COG5: variants seen among roughly 807,000 people sequenced by gnomAD.
COG5 encodes the protein component of oligomeric golgi complex 5, also known as conserved oligomeric Golgi complex subunit 5.
In COG5, 86 loss-of-function variants were observed where a neutral mutation model predicts 110.4. The ratio of observed to expected loss-of-function variants is 0.78; its 90% CI spans 0.65 to 0.93. The LOEUF (loss-of-function observed/expected upper bound fraction) is 0.93. Ranked by LOEUF, COG5 falls within the 40% of genes least tolerant of loss-of-function variation. The pLI is 0.00. For missense variants in COG5, 1,077 were observed against 987.0 expected (o/e 1.09, Z -1.22); for synonymous variants, 360 against 334.6 (o/e 1.08, Z -0.83).
In COG5 at chr7:107,501,026, T is replaced by C. The variant is rs1041122233; in HGVS notation, c.538+26211A>G. Among the ~76,000 whole-genome samples the C allele has an allele frequency of 7.9e-5, 12 of 152,212 alleles. No individual in the cohort carries two copies. The South Asian group carries it at 1.9e-3, about 24-fold the overall frequency. On this transcript the variant is annotated intron_variant, in intron 6 of 21. Transcript: ENST00000297135. ...TTTCACATTGTTACTGGCTTTTCTA[T>C]ATATAAAGGAATAAATTATCTTGGC...
intron 6 of COG5, among the ~76,000 whole-genome samples, chr7:107,450,809 T>C (rs186792347): frequency 2.0e-5 from 3 of 152,316 alleles, no homozygotes; most frequent in East Asian, 1.9e-4. Context: ...CTTTTCTTAA[T>C]TGCGTCCACT....
At chr7:107,360,436 T>C (rs1228939585) in intron 10 of COG5, among the ~76,000 whole-genome samples, 1 of 152,164 alleles carries the variant, frequency 6.6e-6, no homozygotes, top group Non-Finnish European at 1.5e-5. Flanking sequence ...GGATGAAACA[T>C]GCCTCCACTG....
At chr7:107,233,539 A>C (rs538113826) in intron 18 of COG5, among the ~76,000 whole-genome samples, 76 of 152,300 alleles carry the variant, frequency 5.0e-4, no homozygotes, top group African/African-American at 1.5e-3. Flanking sequence ...ATACGTCATT[A>C]TCTCTCTTTG....
intron 6 of COG5, among the ~76,000 whole-genome samples, chr7:107,507,718 T>C (rs1348610072): frequency 6.6e-6 from 1 of 152,140 alleles, no homozygotes; most frequent in Admixed American, 6.5e-5. Flanking sequence ...GTTATATAAA[T>C]CATACTTTCA....
Position 107,493,551 on chromosome 7 carries a change from T to C in COG5, c.538+33686A>G, listed in dbSNP as rs1436969511. On this transcript the variant is annotated intron_variant, in intron 6 of 21. Transcript: ENST00000297135. Reference sequence around the variant, plus strand: ...TTCTCATTGTAAAACAGAACTTATTTATAATTTTAGACTCCTCTCTCTTTG... The same window carrying C: ...TTCTCATTGTAAAACAGAACTTATTCATAATTTTAGACTCCTCTCTCTTTG... Among the ~76,000 whole-genome samples, 4 of 152,300 alleles carry C rather than the reference T, an allele frequency of 2.6e-5. No individual in the cohort carries two copies. In the East Asian group the frequency reaches 7.7e-4, roughly 29 times the overall value.
At chr7:107,295,650 C>T (rs1303303668) in intron 12 of COG5, among the ~76,000 whole-genome samples, 1 of 152,094 alleles carries the variant, frequency 6.6e-6, no homozygotes, top group Non-Finnish European at 1.5e-5. Flanking sequence ...TTGACATCTT[C>T]GAATATGGCC....
At chr7:107,312,799 T>C (rs1056827339) in intron 11 of COG5, among the ~76,000 whole-genome samples, 2 of 141,412 alleles carry the variant, frequency 1.4e-5, no homozygotes, top group African/African-American at 4.9e-5. Flanking sequence ...AAAGAAGGCT[T>C]ATCTATTTAA....
chr7:107,351,797 A>G (rs988420336), intron 10 of COG5, among the ~76,000 whole-genome samples: 24 of 150,216 alleles, frequency 1.6e-4, no homozygotes, highest in Non-Finnish European at 3.0e-4. Flanking sequence ...CGATCATTAA[A>G]AAGTCAGGAA....
intron 7 of COG5, among the ~76,000 whole-genome samples, chr7:107,401,425 C>T (rs1791415934): frequency 6.6e-6 from 1 of 152,052 alleles, no homozygotes; most frequent in East Asian, 1.9e-4. Flanking sequence ...ATTATTTATA[C>T]ATGTCATAAA....
In COG5 at chr7:107,421,480, G is replaced by T. The variant is rs528456877; in HGVS notation, c.539-8848C>A. Among the ~76,000 whole-genome samples, 36 of 152,182 alleles carry T rather than the reference G, an allele frequency of 2.4e-4. 1 individual carries two copies. Among genetic ancestry groups the T allele is most frequent in the Middle Eastern group, 6.8e-3 (2 of 294 alleles). ...CAAAACAAACCTTATAAATGTAAAAGAATTGAAATAATACAAAGTATGTTC... is the reference window on the plus strand; with the variant it reads ...CAAAACAAACCTTATAAATGTAAAATAATTGAAATAATACAAAGTATGTTC... On this transcript the variant is annotated intron_variant, in intron 6 of 21. Coordinates refer to ENST00000297135, the MANE Select transcript of COG5 (RefSeq NM_006348.5).
At chr7:107,529,997 T>A (rs1012558350) in intron 5 of COG5, among the ~76,000 whole-genome samples, 1 of 152,144 alleles carries the variant, frequency 6.6e-6, no homozygotes, top group African/African-American at 2.4e-5. Context: ...TTTAAATACA[T>A]CGTAAGAAGA....
At chr7:107,222,543 A>G (rs1800015985) in intron 19 of COG5, among the ~76,000 whole-genome samples, 1 of 152,194 alleles carries the variant, frequency 6.6e-6, no homozygotes, top group Admixed American at 6.5e-5. Flanking sequence ...AAAATCCATG[A>G]AAAGCAAAAC....
At chr7:107,552,876 A>G (rs1803018294) in intron 3 of COG5, among the ~76,000 whole-genome samples, 1 of 152,224 alleles carries the variant, frequency 6.6e-6, no homozygotes, top group Admixed American at 6.5e-5. Flanking sequence ...GGTGCCCAAC[A>G]ACAGTGAATT....
chr7:107,446,335 C>A (rs1795003867), intron 6 of COG5, among the ~76,000 whole-genome samples: 1 of 152,138 alleles, frequency 6.6e-6, no homozygotes. Flanking sequence ...GGCTAAATAA[C>A]TTGCTTAAAA....
At chr7:107,390,171 T>C (rs140120893) in intron 7 of COG5, among the ~76,000 whole-genome samples, 182 of 152,304 alleles carry the variant, frequency 1.2e-3, no homozygotes, top group East Asian at 4.2e-3. Flanking sequence ...CTTGCCACCT[T>C]AGAATGTGCC....
chr7:107,291,839 G>A (rs1806202476), intron 12 of COG5, among the ~76,000 whole-genome samples: 1 of 152,124 alleles, frequency 6.6e-6, no homozygotes, highest in Non-Finnish European at 1.5e-5. Context: ...CTTACCTTCA[G>A]CTATCTTCAC....
intron 14 of COG5, among the ~76,000 whole-genome samples, chr7:107,260,096 A>ATATATATAT (rs1554402497): frequency 4.7e-5 from 7 of 148,286 alleles, no homozygotes; most frequent in Admixed American, 1.4e-4. Context: ...ATATATATGA[A>ATATATATAT]ATAAAAACAT....
At chr7:107,288,944 ATATATATATATATATAT>A (rs2116852300) in intron 12 of COG5, among the ~76,000 whole-genome samples, 1 of 103,104 alleles carries the variant, frequency 9.7e-6, no homozygotes, top group Non-Finnish European at 1.9e-5. Flanking sequence ...ATATATATAT[ATATATATATATATATAT>A]ATTTAAAAAT....
At chr7:107,275,848 A>G (rs764178767) in intron 14 of COG5, among the ~76,000 whole-genome samples, 6 of 152,132 alleles carry the variant, frequency 3.9e-5, no homozygotes, top group Non-Finnish European at 7.4e-5. Flanking sequence ...TTAAAAAAAA[A>G]AAATTGAACT....
Sources: allele counts gnomAD v4.1 joint callset (sites outside exome capture counted in the v4.1 genomes callset), GRCh38; gene constraint gnomAD v4.1.1; transcripts MANE v1.5; gene names NCBI Gene and HGNC (gene_info 2026-07-23, HGNC 2026-07-21).